The following NUP133 variants were observed in gnomAD, a reference collection of about 807,000 sequenced individuals.
The protein encoded by NUP133 is nuclear pore complex protein Nup133.
Under a neutral mutation model 146.2 loss-of-function variants are expected in NUP133, and 66 were observed. That is an observed-to-expected ratio of 0.45 (90% confidence interval 0.37 to 0.55). The LOEUF (loss-of-function observed/expected upper bound fraction) is 0.55. NUP133 is among the 20% of genes least tolerant of loss of function. The pLI is 0.00. For synonymous variants in NUP133, 521 were observed against 498.8 expected (o/e 1.04, Z -0.59); for missense variants, 1,277 against 1,374.8 (o/e 0.93, Z 1.12).
At chr1:229,507,697 T>G (rs2102791200) in intron 1 of NUP133, among the ~76,000 whole-genome samples, 1 of 152,276 alleles carries the variant, frequency 6.6e-6, no homozygotes, top group Non-Finnish European at 1.5e-5. Flanking sequence ...ATCGTGGCAA[T>G]TCATAATAAC....
At chr1:229,463,900 C>A (rs1009038304) in intron 18 of NUP133, among the ~76,000 whole-genome samples, 1 of 152,076 alleles carries the variant, frequency 6.6e-6, no homozygotes, top group Non-Finnish European at 1.5e-5. Context: ...AATCCCAGCA[C>A]TTTGGGAGGC....
intron 20 of NUP133, 33 bp from the exon 21 acceptor site, chr1:229,458,329 C>T (rs1307546728): frequency 6.3e-7 from 1 of 1,596,938 alleles, no homozygotes; most frequent in Non-Finnish European, 8.6e-7. Context: ...TCGTAAGATA[C>T]TGAGTACCAA....
At chr1:229,444,874 G>T in intron 25 of NUP133, 40 bp downstream of exon 25, 4 of 1,363,472 alleles carry the variant, frequency 2.9e-6, no homozygotes, top group South Asian at 1.2e-5. Flanking sequence ...ACTGAGGAAT[G>T]ACACTGTAAT....
chr1:229,499,694 G>C lies in NUP133; in HGVS notation c.638C>G (p.Thr213Arg). ...ATATCCGTGGTATACCTGCACTGCT[G>C]TTAGGAAACTGTAAGTCTTATCACC... Reference protein sequence around the residue: ...SGGDKTYSFLTAVQGGSFILS... With the variant: ...SGGDKTYSFLRAVQGGSFILS... The change falls in exon 5 of 26, where the codon ACA (threonine) becomes AGA (arginine). Residue 213 changes from threonine to arginine, a missense_variant. Thr to Arg is a moderately conservative substitution (Grantham distance 71). Around this residue, in one of 3 missense-constraint regions of NUP133, gnomAD observed 319 missense variants for 306.9 expected, o/e 1.04. Transcript: ENST00000261396. The C allele has an allele frequency of 1.2e-6, 2 of 1,613,528 alleles. No individual in the cohort carries two copies. Among genetic ancestry groups the C allele is most frequent in the Non-Finnish European group, 1.7e-6 (2 of 1,179,662 alleles).
rs1280001800 is a variant in NUP133 at position 229,500,834 on chromosome 1, T to C, written c.435A>G (p.Pro145=). 1.9e-6 allele frequency: 3 copies of C among 1,612,778 alleles called. No homozygotes were observed. Among genetic ancestry groups the C allele is most frequent in the Non-Finnish European group, 1.7e-6 (2 of 1,179,272 alleles). ...KLSVCKELQL[P]PSDFHWSADL... is the part of the protein sequence containing the mutation. ...CGGCACTCCAGTGGAAATCACTAGG[T>C]GGCAGCTGAAGTTCTTTGCAAACGG... The change falls in exon 4 of 26, where the codon CCA becomes CCG. Residue 145 remains proline (P), a synonymous_variant. Transcript: ENST00000261396.
intron 13 of NUP133, among the ~76,000 whole-genome samples, chr1:229,475,968 C>G (rs1044048610): frequency 6.6e-6 from 1 of 152,002 alleles, no homozygotes; most frequent in Admixed American, 6.6e-5. Flanking sequence ...ATTAGCTGAG[C>G]GTGGTGGCGC....
At chr1:229,499,186 C>T (rs1442397409) in intron 5 of NUP133, 1 of 470,568 alleles carries the variant, frequency 2.1e-6, no homozygotes, top group South Asian at 1.5e-5. Context: ...ACGCATGAGC[C>T]ACCATGCTCA....
intron 22 of NUP133, 140 bp from the exon 23 acceptor site, chr1:229,450,745 A>C (rs533406251): frequency 2.4e-6 from 1 of 420,064 alleles, no homozygotes. Context: ...GTTTTTTTTG[A>C]GACAAAGTCT....
chr1:229,470,167 C>T (rs914413742), intron 15 of NUP133, among the ~76,000 whole-genome samples: 1 of 151,744 alleles, frequency 6.6e-6, no homozygotes, highest in African/African-American at 2.4e-5. Context: ...CATCAAACCC[C>T]ATCTCTACTA....
In NUP133 at chr1:229,502,189, C is replaced by T. The variant is rs1661818288; in HGVS notation, c.302-87G>A. 5.4e-6 allele frequency: 5 copies of T among 919,182 alleles called. No individual in the cohort carries two copies. The East Asian group carries it at 1.2e-4, about 22-fold the overall frequency. The allele number at this position is 919,182 out of a possible 1,614,324, so 56.9% of individuals were successfully genotyped here. On this transcript the variant is annotated intron_variant, in intron 2 of 25. Transcript: ENST00000261396. ...TTATCAAAAAAAAGTAATTGGCACA[C>T]TCAGAAACGACTACCTCACAACAAA...
intron 25 of NUP133, 105 bp from the exon 26 acceptor site, chr1:229,442,145 G>A (rs1049464868): frequency 1.4e-5 from 16 of 1,106,598 alleles, no homozygotes; most frequent in South Asian, 1.2e-4. Context: ...TAAATATAAC[G>A]TCACTTTGCT....
chr1:229,461,281 C>G (rs1235869399), intron 19 of NUP133, among the ~76,000 whole-genome samples: 1 of 152,028 alleles, frequency 6.6e-6, no homozygotes, highest in East Asian at 1.9e-4. Flanking sequence ...TAGAGAGGCC[C>G]AAATGCCCAG....
At chr1:229,504,833 T>C (rs1661893885) in intron 2 of NUP133, among the ~76,000 whole-genome samples, 1 of 152,180 alleles carries the variant, frequency 6.6e-6, no homozygotes, top group Admixed American at 6.6e-5. Context: ...AAGTTGTAAA[T>C]TGCATGCTGT....
rs148856535 is a variant in NUP133 at position 229,466,741 on chromosome 1, T to C, written c.2092A>G (p.Thr698Ala). 866 of 1,613,916 alleles carry C rather than the reference T, an allele frequency of 5.4e-4. No homozygotes were observed. The highest frequency in any genetic ancestry group is 7.1e-4 in the Non-Finnish European group (840 of 1,179,954). Residue 698 changes from threonine (T) to alanine (A), a missense_variant, in exon 16 of 26, where the codon ACC becomes GCC. Thr to Ala is a moderately conservative substitution (Grantham distance 58). Around this residue, in one of 3 missense-constraint regions of NUP133, gnomAD observed 952 missense variants for 1,047.0 expected, o/e 0.91. Transcript: ENST00000261396. ...TGCTCCAGTAAGCACTCACAGATGG[T>C]ATCTACTTGGGATACCTGAGAGAAT... is the stretch of plus-strand genomic sequence containing the variant. Reference protein sequence around the residue: ...VFFREVSQVDTICECLLEHEE... With the variant: ...VFFREVSQVDAICECLLEHEE...
rs762489079 is a variant in NUP133, at chr1:229,495,571, T to G, written c.976-6A>C. Reference sequence around the variant, plus strand: ...TCATAGTTACTTTCAGATCCCTACATGAAAATATCAATAATGTAAGCTTCT... The same window carrying G: ...TCATAGTTACTTTCAGATCCCTACAGGAAAATATCAATAATGTAAGCTTCT... On this transcript the variant is annotated splice_polypyrimidine_tract_variant and splice_region_variant and intron_variant, in intron 7 of 25. Transcript: ENST00000261396. 3.8e-6 allele frequency: 6 copies of G among 1,583,808 alleles called. No homozygotes were observed. In the East Asian group the frequency reaches 8.9e-5, roughly 24 times the overall value.
chr1:229,465,238 TAG>T (rs1455472602), intron 17 of NUP133, among the ~76,000 whole-genome samples, 180 bp downstream of exon 17: 1 of 152,214 alleles, frequency 6.6e-6, no homozygotes, highest in African/African-American at 2.4e-5. Flanking sequence ...ACATAAATTA[TAG>T]AGAGATCGAT....
At chr1:229,506,005 C>G in intron 2 of NUP133, 35 bp downstream of exon 2, 1 of 1,239,854 alleles carries the variant, frequency 8.1e-7, no homozygotes, top group Non-Finnish European at 1.2e-6. Flanking sequence ...CCATTTTAAA[C>G]TGCTAATATA....
intron 16 of NUP133, 39 bp from the exon 17 acceptor site, chr1:229,465,558 G>A: frequency 7.3e-7 from 1 of 1,375,644 alleles, no homozygotes; most frequent in Non-Finnish European, 1.0e-6. Flanking sequence ...TGCAAAAGGT[G>A]ATGGATCACA....
Position 229,463,687 on chromosome 1 carries a change from G to A in NUP133, c.2552-11C>T. Reference sequence around the variant, plus strand: ...ACTGGCCTAGTGAAACTGTGGGAATGAGAAAAGATGGGAAAAAATCCTGTT... The same window carrying A: ...ACTGGCCTAGTGAAACTGTGGGAATAAGAAAAGATGGGAAAAAATCCTGTT... On this transcript the variant is annotated splice_polypyrimidine_tract_variant and intron_variant, in intron 18 of 25. Transcript: ENST00000261396. The A allele has an allele frequency of 6.3e-7, 1 of 1,578,940 alleles. No individual in the cohort carries two copies. The highest frequency in any genetic ancestry group is 2.0e-5 in the Admixed American group (1 of 49,006).
Sources: allele counts gnomAD v4.1 joint callset (sites outside exome capture counted in the v4.1 genomes callset), GRCh38; gene constraint gnomAD v4.1.1; regional missense constraint gnomAD v4.1.1; transcripts MANE v1.5; gene names NCBI Gene and HGNC (gene_info 2026-07-23, HGNC 2026-07-21).